The following CSMD2 variants were observed in gnomAD, a reference collection of about 807,000 sequenced individuals.
The protein encoded by CSMD2 is CUB and Sushi multiple domains 2.
CSMD2 carries 130 observed loss-of-function variants against 398.5 expected under a neutral mutation model. The observed-to-expected ratio is 0.33, with a 90% CI of 0.28 to 0.38. The LOEUF is 0.38. Ranked by LOEUF, CSMD2 falls within the 10% of genes least tolerant of loss-of-function variation. The probability of loss-of-function intolerance (pLI) is 1.00; values close to 1 mark genes in which losing one functional copy is unlikely to be tolerated. For synonymous variants in CSMD2, 1,828 were observed against 1,908.5 expected (o/e 0.96, Z 1.10); for missense variants, 3,829 against 4,764.9 (o/e 0.80, Z 5.78).
At chr1:34,026,130 C>G (rs146734877) in intron 3 of CSMD2, among the ~76,000 whole-genome samples, 2,385 of 152,302 alleles carry the variant, frequency 0.016, 47 homozygotes, top group South Asian at 0.064. Flanking sequence ...CTCACAACAG[C>G]TCTAAGAAGT....
intron 27 of CSMD2, among the ~76,000 whole-genome samples, chr1:33,652,908 C>A (rs1643839773): frequency 6.6e-6 from 1 of 152,188 alleles, no homozygotes. Context: ...GCGCCCGCCA[C>A]CATGCCCACC....
chr1:33,643,148 TC>T (rs1288559229), intron 29 of CSMD2, among the ~76,000 whole-genome samples: 1 of 152,184 alleles, frequency 6.6e-6, no homozygotes, highest in Non-Finnish European at 1.5e-5. Context: ...ATTCTGCTTT[TC>T]CTGAGGACCC....
chr1:33,955,449 G>C (rs866741511), intron 3 of CSMD2, among the ~76,000 whole-genome samples: 4 of 152,098 alleles, frequency 2.6e-5, no homozygotes, highest in Admixed American at 2.0e-4. Context: ...ACTCAGGAGT[G>C]AGTGCTGTTA....
rs1283947072 is a variant in CSMD2 at position 33,772,239 on chromosome 1, A to G, written c.1846+330T>C. On this transcript the variant is annotated intron_variant, in intron 13 of 70. Coordinates refer to ENST00000373381, the MANE Select transcript of CSMD2 (RefSeq NM_001281956.2). ...GGATTAGATGGTGTCAGGGGTGGCA[A>G]TGACGGTGAGCAGGAAATGTCTGGG... The G allele has an allele frequency of 4.7e-5, 10 of 214,994 alleles. No homozygotes were observed. The East Asian group carries it at 9.9e-4, about 21-fold the overall frequency. 13.3% of individuals were successfully genotyped at this position (214,994 alleles called of 1,614,324 possible).
At chr1:33,571,786 T>G in intron 50 of CSMD2, 60 bp from the exon 51 acceptor site, 8 of 1,284,054 alleles carry the variant, frequency 6.2e-6, no homozygotes, top group African/African-American at 5.9e-5. Context: ...GAAGACCTTG[T>G]AAGAGCCCAG....
intron 27 of CSMD2, among the ~76,000 whole-genome samples, chr1:33,657,663 C>A (rs1643989995): frequency 6.6e-6 from 1 of 152,200 alleles, no homozygotes. Context: ...ACCTGTACAG[C>A]CTGGGCCAGA....
chr1:33,888,756 T>TTTGTTGTTGTTGTTGTTGTTGTTG (rs140395748), intron 5 of CSMD2, among the ~76,000 whole-genome samples: 2 of 148,936 alleles, frequency 1.3e-5, no homozygotes, highest in African/African-American at 5.0e-5. Flanking sequence ...TCAACTGATT[T>TTTGTTGTTGTTGTTGTTGTTGTTG]TTGTTGTTGT....
chr1:33,539,458 G>A (rs540988336), intron 60 of CSMD2, among the ~76,000 whole-genome samples: 20 of 152,306 alleles, frequency 1.3e-4, no homozygotes, highest in African/African-American at 4.8e-4. Flanking sequence ...GGTATTGATG[G>A]AAAGGTTTTG....
intron 3 of CSMD2, among the ~76,000 whole-genome samples, chr1:33,981,986 A>T (rs1348312360): frequency 6.6e-6 from 1 of 152,154 alleles, no homozygotes; most frequent in East Asian, 1.9e-4. Flanking sequence ...GAGTGGCTGT[A>T]AGTCTGCTGA....
intron 25 of CSMD2, among the ~76,000 whole-genome samples, chr1:33,670,825 G>A (rs548338530): frequency 9.9e-5 from 15 of 152,232 alleles, no homozygotes; most frequent in Non-Finnish European, 1.8e-4. Flanking sequence ...ATGTGGTACA[G>A]TCTACAGTAA....
At chr1:33,625,437 GAC>G (rs931439834) in intron 33 of CSMD2, among the ~76,000 whole-genome samples, 183 bp from the exon 34 acceptor site, 1 of 152,168 alleles carries the variant, frequency 6.6e-6, no homozygotes, top group African/African-American at 2.4e-5. Context: ...ATTATAGTTG[GAC>G]ACACAGCGCT....
At position 33,788,715 on chromosome 1, in the gene CSMD2, G is replaced by T; in HGVS notation, c.1551-3C>A. ...CCGGGACCGATGTACCTGTCAGGCT[G>T]GCAGGAGAGAGATATTTAGAGGTGT... is the stretch of plus-strand genomic sequence containing the variant. On this transcript the variant is annotated splice_polypyrimidine_tract_variant and splice_region_variant and intron_variant, in intron 11 of 70. Transcript: ENST00000373381. 7 of 1,581,978 alleles carry T rather than the reference G, an allele frequency of 4.4e-6. No individual in the cohort carries two copies. Among genetic ancestry groups the T allele is most frequent in the Non-Finnish European group, 6.1e-6 (7 of 1,150,816 alleles).
chr1:33,522,144 C>A (rs192595894), intron 67 of CSMD2, among the ~76,000 whole-genome samples: 1 of 152,178 alleles, frequency 6.6e-6, no homozygotes, highest in Admixed American at 6.5e-5. Flanking sequence ...AGTCTGGGGC[C>A]GCAGCGGCTG....
chr1:33,541,355 C>T, intron 58 of CSMD2, 46 bp from the exon 59 acceptor site: 3 of 1,448,960 alleles, frequency 2.1e-6, no homozygotes, highest in South Asian at 1.2e-5. Context: ...GCCAGGACCC[C>T]ACTTCTCCTC....
intron 13 of CSMD2, among the ~76,000 whole-genome samples, chr1:33,749,202 C>T (rs1647850711): frequency 6.6e-6 from 1 of 150,810 alleles, no homozygotes; most frequent in Non-Finnish European, 1.5e-5. Flanking sequence ...AGGTTCACGC[C>T]ATTCTCTTGC....
At chr1:34,001,365 A>C (rs962502389) in intron 3 of CSMD2, among the ~76,000 whole-genome samples, 4 of 152,226 alleles carry the variant, frequency 2.6e-5, no homozygotes, top group African/African-American at 9.6e-5. Flanking sequence ...CACCTTAAAG[A>C]TGTATTCTGG....
At chr1:34,091,257 AGG>A (rs1489259155) in intron 1 of CSMD2, among the ~76,000 whole-genome samples, 2 of 152,186 alleles carry the variant, frequency 1.3e-5, no homozygotes, top group Admixed American at 1.3e-4. Flanking sequence ...GCTCAGTATT[AGG>A]TACATGGTAA....
intron 3 of CSMD2, among the ~76,000 whole-genome samples, chr1:33,951,265 T>C (rs1645000049): frequency 1.3e-5 from 2 of 152,234 alleles, no homozygotes; most frequent in Admixed American, 6.5e-5. Context: ...CATTCTGTCA[T>C]CTGTTCAAGA....
intron 32 of CSMD2, among the ~76,000 whole-genome samples, chr1:33,631,627 T>C (rs1642473694): frequency 2.0e-5 from 3 of 152,030 alleles, no homozygotes; most frequent in Admixed American, 2.0e-4. Context: ...ATGAAATATC[T>C]GGGAATAAAG....
Sources: allele counts gnomAD v4.1 joint callset (sites outside exome capture counted in the v4.1 genomes callset), GRCh38; gene constraint gnomAD v4.1.1; transcripts MANE v1.5; gene names NCBI Gene and HGNC (gene_info 2026-07-23, HGNC 2026-07-21).